The following TSHZ3 variants were observed in gnomAD, a reference collection of about 807,000 sequenced individuals.
TSHZ3 encodes teashirt homolog 3.
In TSHZ3, 10 loss-of-function variants were observed where a neutral mutation model predicts 64.5. The observed-to-expected ratio is 0.16, with a 90% CI of 0.10 to 0.26. TSHZ3 has a LOEUF of 0.26. TSHZ3 is among the 10% of genes least tolerant of loss of function. TSHZ3 has a pLI of 1.00. For missense variants in TSHZ3, 1,242 were observed against 1,421.7 expected (o/e 0.87, Z 2.03); for synonymous variants, 608 against 593.1 (o/e 1.03, Z -0.36).
intron 5 of TSHZ3, among the ~76,000 whole-genome samples, chr19:31,171,743 AT>A (rs1163007894): frequency 6.6e-6 from 1 of 152,012 alleles, no homozygotes; most frequent in African/African-American, 2.4e-5. Context: ...GTAGGAGTGG[AT>A]TTTTTTAGGG....
intron 3 of TSHZ3, among the ~76,000 whole-genome samples, chr19:31,231,485 T>G (rs796711099): frequency 1.3e-5 from 2 of 152,208 alleles, no homozygotes; most frequent in African/African-American, 2.4e-5. Flanking sequence ...TGTGAAAGAT[T>G]TGTGGCAGTT....
intron 1 of TSHZ3, among the ~76,000 whole-genome samples, chr19:31,259,993 A>G (rs1215852714): frequency 2.0e-5 from 3 of 152,128 alleles, no homozygotes; most frequent in Non-Finnish European, 4.4e-5. Context: ...TTGACTTTTC[A>G]TCACTAGAAC....
intron 5 of TSHZ3, among the ~76,000 whole-genome samples, chr19:31,185,561 T>C (rs1478778296): frequency 6.6e-6 from 1 of 152,188 alleles, no homozygotes; most frequent in Admixed American, 6.5e-5. Context: ...TGGGCATCTT[T>C]CAATGGTAAG....
downstream of TSHZ3, among the ~76,000 whole-genome samples, chr19:31,274,781 C>T (rs1032803070): frequency 2.0e-5 from 3 of 151,962 alleles, no homozygotes; most frequent in African/African-American, 4.8e-5. Context: ...TCTCCAAACG[C>T]CAAAGTTCAC....
intron 5 of TSHZ3, among the ~76,000 whole-genome samples, chr19:31,199,255 T>G (rs1975036499): frequency 6.6e-6 from 1 of 151,532 alleles, no homozygotes; most frequent in South Asian, 2.1e-4. Flanking sequence ...AATACAAAAA[T>G]TAGCTGGGCA....
chr19:31,297,584 C>G (rs1216906062), intron 1 of TSHZ3, among the ~76,000 whole-genome samples: 2 of 152,162 alleles, frequency 1.3e-5, no homozygotes, highest in Non-Finnish European at 2.9e-5. Context: ...CGTGCCTCAG[C>G]CTCCCAAGTA....
At chr19:31,160,391 C>A (rs190068227) in intron 5 of TSHZ3, among the ~76,000 whole-genome samples, 2 of 152,322 alleles carry the variant, frequency 1.3e-5, no homozygotes, top group African/African-American at 4.8e-5. Flanking sequence ...CTACAAAAGA[C>A]ACCTCTTCTT....
chr19:31,335,387 G>A (rs1392073224), intron 1 of TSHZ3, among the ~76,000 whole-genome samples: 4 of 152,174 alleles, frequency 2.6e-5, no homozygotes, highest in East Asian at 3.9e-4. Context: ...CGGAAGACAG[G>A]AGGGCCTCCT....
Position 31,183,178 on chromosome 19 carries a change from TTCTCTCTCTCTCTC to T in TSHZ3, n.809+21764_809+21777del, listed in dbSNP as rs750398873. ...AATCATGTGAGCCAATTCTATGAGA[TTCTCTCTCTCTCTC>T]TCTCTCTCTCTCTCTCTCTCTCTCT... On this transcript the variant is annotated intron_variant and non_coding_transcript_variant, in intron 5 of 6. Coordinates refer to the TSHZ3 transcript ENST00000651361. 5.1e-4 allele frequency among the ~76,000 whole-genome samples: 60 copies of T among 116,536 alleles called. 2 individuals are homozygous for T. Among genetic ancestry groups the T allele is most frequent in the Middle Eastern group, 8.7e-3 (2 of 230 alleles). The allele number at this position is 116,536 out of a possible 152,430, so 76.5% of individuals were successfully genotyped here.
chr19:31,323,863 AACACACAC>A (rs58051976), intron 1 of TSHZ3, among the ~76,000 whole-genome samples: 5,289 of 122,254 alleles, frequency 0.043, 165 homozygotes, highest in African/African-American at 0.086. Context: ...CCTGGCCTCC[AACACACAC>A]ACACACACAC....
At position 31,349,270 on chromosome 19, in the gene TSHZ3, G is replaced by A; in HGVS notation, c.-51C>T. On this transcript the variant is annotated 5_prime_UTR_variant, in exon 1 of 2. Transcript: ENST00000240587. ...CCGCCGCCGCCGCCGCTGCCGGGCT[G>A]AGGACAGGGAGGGAGGGGGCGGCGG... The A allele has an allele frequency of 1.4e-6, 2 of 1,457,524 alleles. No homozygotes were observed. The highest frequency in any genetic ancestry group is 1.8e-6 in the Non-Finnish European group (2 of 1,112,994). The allele number at this position is 1,457,524 out of a possible 1,614,324, so 90.3% of individuals were successfully genotyped here. A position where few individuals can be genotyped will look rare whatever the true frequency, so the allele number is the denominator to read the frequency against.
chr19:31,294,309 T>C (rs903243892), intron 1 of TSHZ3, among the ~76,000 whole-genome samples: 1 of 151,792 alleles, frequency 6.6e-6, no homozygotes, highest in Admixed American at 6.6e-5. Flanking sequence ...AGCCAGCACT[T>C]AGCCAACACT....
At chr19:31,240,501 T>C (rs945334004) in intron 3 of TSHZ3, among the ~76,000 whole-genome samples, 2 of 152,204 alleles carry the variant, frequency 1.3e-5, no homozygotes, top group South Asian at 2.1e-4. Context: ...TGTTGTTATA[T>C]CATTCATCTT....
chr19:31,295,300 C>T (rs1976643495), intron 1 of TSHZ3, among the ~76,000 whole-genome samples: 1 of 152,182 alleles, frequency 6.6e-6, no homozygotes, highest in Non-Finnish European at 1.5e-5. Flanking sequence ...CAATTCTATT[C>T]CTAGATCTAG....
At chr19:31,156,104 G>A (rs545350657) in intron 6 of TSHZ3, among the ~76,000 whole-genome samples, 2 of 152,306 alleles carry the variant, frequency 1.3e-5, no homozygotes, top group African/African-American at 4.8e-5. Context: ...TATGGAAGAA[G>A]CACAATAAAA....
chr19:31,223,406 GA>G (rs1975417497), intron 4 of TSHZ3, among the ~76,000 whole-genome samples: 7 of 151,180 alleles, frequency 4.6e-5, no homozygotes, highest in African/African-American at 9.7e-5. Flanking sequence ...GTGTGTGACA[GA>G]GAGAGGGAGA....
Position 31,189,561 on chromosome 19 carries a change from A to AT in TSHZ3, n.809+15394dup, listed in dbSNP as rs146844638. Among the ~76,000 whole-genome samples, 552 of 148,542 alleles carry AT rather than the reference A, an allele frequency of 3.7e-3. 2 individuals carry two copies. The highest frequency in any genetic ancestry group is 0.012 in the African/African-American group (489 of 40,792). ...TGAGGATTTTCCAAATGTATTTGTC[A>AT]TTTTTTTTTTCCAATTTTAATTTCA... On this transcript the variant is annotated intron_variant and non_coding_transcript_variant, in intron 5 of 6. Transcript: ENST00000651361.
chr19:31,342,893 G>C (rs73553311), intron 1 of TSHZ3, among the ~76,000 whole-genome samples: 7,034 of 152,256 alleles, frequency 0.046, 570 homozygotes, highest in African/African-American at 0.16. Flanking sequence ...CCAAAACCTG[G>C]CTAACATTAA....
chr19:31,215,597 G>C (rs980504143), intron 4 of TSHZ3, among the ~76,000 whole-genome samples: 6 of 152,222 alleles, frequency 3.9e-5, no homozygotes, highest in Non-Finnish European at 7.3e-5. Context: ...TCTAAGCTGG[G>C]TGTGGTGGCT....
Sources: allele counts gnomAD v4.1 joint callset (sites outside exome capture counted in the v4.1 genomes callset), GRCh38; gene constraint gnomAD v4.1.1; transcripts MANE v1.5; gene names NCBI Gene and HGNC (gene_info 2026-07-23, HGNC 2026-07-21).